Variants in ERCC6L observed in about 807,000 individuals in gnomAD.
ERCC6L encodes the protein DNA excision repair protein ERCC-6-like.
ERCC6L carries 7 observed loss-of-function variants against 20.1 expected under a neutral mutation model. The ratio of observed to expected loss-of-function variants is 0.35; its 90% CI spans 0.20 to 0.65. The LOEUF (loss-of-function observed/expected upper bound fraction) is 0.65. Among genes scored for constraint, ERCC6L ranks in the 30% least tolerant of loss-of-function variants. The pLI, the probability that ERCC6L is intolerant of heterozygous loss-of-function variation, is 0.69. For synonymous variants in ERCC6L, 278 were observed against 331.3 expected (o/e 0.84, Z 1.75); for missense variants, 592 against 892.4 (o/e 0.66, Z 4.29).
rs761685830 is a variant in ERCC6L, at chrX:72,205,142, C to A, written c.3625G>T (p.Glu1209Ter). The A allele has an allele frequency of 1.2e-5, 15 of 1,211,328 alleles. No homozygotes were observed. The highest frequency in any genetic ancestry group is 1.7e-5 in the Non-Finnish European group (15 of 895,418). Residue 1209 changes from glutamate to a stop codon, truncating the protein, a stop_gained, in exon 2 of 2, where the codon GAA (glutamate) becomes TAA (stop). Transcript: ENST00000334463. LOFTEE classifies it high-confidence loss of function. ...TGGATTTTTCCACACTCTTTTAGTT[C>A]TTTTCCACGCTTTACAAGAGTCTCA... is the stretch of plus-strand genomic sequence containing the variant. ...DYETLVKRGKELKECGKIQEA... is the reference protein window; with the variant it reads ...DYETLVKRGK
At chrX:72,214,929 G>A (rs1390949345) in intron 1 of ERCC6L, among the ~76,000 whole-genome samples, 1 of 110,910 alleles carries the variant, frequency 9.0e-6, no homozygotes, top group Non-Finnish European at 1.9e-5. Context: ...GGAGGTTGCA[G>A]TGAGCCAAGA....
rs922729283 is a variant in ERCC6L, at chrX:72,232,647, A to G, written c.68+6197T>C. On this transcript the variant is annotated intron_variant, in intron 1 of 1. Transcript: ENST00000334463. The stretch of plus-strand genomic sequence containing the variant: ...AACATGACGAAACCCCGTTTCTACT[A>G]AAAACACAAAAAATTAGCCGGGTGT... Among the ~76,000 whole-genome samples the G allele has an allele frequency of 2.7e-5, 3 of 111,218 alleles. No homozygotes were observed. In the Admixed American group the frequency reaches 2.9e-4, roughly 11 times the overall value.
At chrX:72,208,790 C>G in intron 1 of ERCC6L, 92 bp from the exon 2 acceptor site, 1 of 750,131 alleles carries the variant, frequency 1.3e-6, no homozygotes, top group Non-Finnish European at 1.9e-6. Flanking sequence ...CAAACTGCAG[C>G]TGGACTTTTA....
chrX:72,212,449 T>C (rs1206837035), intron 1 of ERCC6L, among the ~76,000 whole-genome samples: 2 of 111,473 alleles, frequency 1.8e-5, no homozygotes, highest in Non-Finnish European at 3.8e-5. Context: ...GTTCAGATGC[T>C]GAAAAGTTTT....
At chrX:72,226,803 AC>A (rs2042956720) in intron 1 of ERCC6L, among the ~76,000 whole-genome samples, 1 of 111,315 alleles carries the variant, frequency 9.0e-6, no homozygotes, top group Admixed American at 9.6e-5. Flanking sequence ...CACAAGTCAA[AC>A]CCCCATACTG....
intron 1 of ERCC6L, among the ~76,000 whole-genome samples, chrX:72,226,520 C>CG (rs2042954766): frequency 8.9e-6 from 1 of 112,037 alleles, no homozygotes; most frequent in Admixed American, 9.5e-5. Flanking sequence ...TTGGAGCGAG[C>CG]GGGGCTATGT....
intron 1 of ERCC6L, among the ~76,000 whole-genome samples, chrX:72,237,464 A>G (rs899719066): frequency 2.7e-5 from 3 of 111,293 alleles, no homozygotes; most frequent in Non-Finnish European, 5.7e-5. Context: ...CGGGTGTGTT[A>G]GCGGGCGCCT....
Position 72,205,710 on chromosome X carries a change from G to A in ERCC6L, c.3057C>T (p.Ile1019=), listed in dbSNP as rs757642569. Residue 1019 remains isoleucine, a synonymous_variant, in exon 2 of 2, where the codon ATC becomes ATT. Transcript: ENST00000334463. ...AAACAATCCTTCTAGCTTTACTTCT[G>A]ATTTTTGCTTTAACTACTACTTCTT... is the stretch of plus-strand genomic sequence containing the variant. The part of the protein sequence containing the change: ...EPEEVVVKAK[I]RSKARRIVSD... The A allele has an allele frequency of 8.3e-7, 1 of 1,211,600 alleles. No homozygotes were observed. Among genetic ancestry groups the A allele is most frequent in the Non-Finnish European group, 1.1e-6 (1 of 895,426 alleles).
At chrX:72,236,107 G>C (rs1335457707) in intron 1 of ERCC6L, among the ~76,000 whole-genome samples, 1 of 110,887 alleles carries the variant, frequency 9.0e-6, no homozygotes, top group Non-Finnish European at 1.9e-5. Flanking sequence ...GAGTAAGGTA[G>C]AAGATGGAGA....
In ERCC6L at chrX:72,206,697, C is replaced by T; in HGVS notation, c.2070G>A (p.Val690=). Residue 690 remains valine (V), a synonymous_variant, in exon 2 of 2, where the codon GTG becomes GTA. Transcript: ENST00000334463. ...CDLSVKEELD[V]VEESHYIQQR... is the part of the protein sequence containing the mutation. ...GTTGAATATAGTGAGATTCTTCTAC[C>T]ACATCAAGCTCTTCTTTAACAGACA... The T allele has an allele frequency of 8.3e-7, 1 of 1,211,193 alleles. No homozygotes were observed. Among genetic ancestry groups the T allele is most frequent in the Non-Finnish European group, 1.1e-6 (1 of 895,228 alleles).
At position 72,207,052 on chromosome X, in the gene ERCC6L, C is replaced by T. The variant is rs1423637771; in HGVS notation, c.1715G>A (p.Arg572Gln). ...TDAQAVDRVY[R>Q]IGQKENVVVY... ...CACAACATTCTCTTTTTGTCCAATT[C>T]GGTAAACTCTATCCACAGCTTGAGC... The change falls in exon 2 of 2, where the codon CGA becomes CAA. Residue 572 changes from arginine to glutamine, a missense_variant. Arg to Gln is a conservative substitution (Grantham distance 43). This residue lies in a region of ERCC6L where 196 missense variants were observed against 440.1 expected (regional missense o/e 0.45). Coordinates refer to ENST00000334463, the MANE Select transcript of ERCC6L (RefSeq NM_017669.4). 1 of 1,209,770 alleles carries T rather than the reference C, an allele frequency of 8.3e-7. No homozygotes were observed. The highest frequency in any genetic ancestry group is 1.1e-6 in the Non-Finnish European group (1 of 895,258).
Position 72,206,056 on chromosome X carries a change from T to C in ERCC6L, c.2711A>G (p.Glu904Gly). ...NPWPIISITN[E>G]SQNAESNVSI... is the part of the protein sequence containing the mutation. ...TACATTTGATTCTGCATTTTGACTT[T>C]CATTTGTTATGGAAATAATGGGCCA... Residue 904 changes from glutamate to glycine, a missense_variant, in exon 2 of 2, where the codon GAA (glutamate) becomes GGA (glycine). By Grantham distance (98) the Glu-to-Gly change is moderately conservative. Around this residue, in one of 3 missense-constraint regions of ERCC6L, gnomAD observed 352 missense variants for 402.6 expected, o/e 0.87. Coordinates refer to ENST00000334463, the MANE Select transcript of ERCC6L (RefSeq NM_017669.4). The C allele has an allele frequency of 8.3e-7, 1 of 1,211,354 alleles. No homozygotes were observed. Among genetic ancestry groups the C allele is most frequent in the Non-Finnish European group, 1.1e-6 (1 of 895,128 alleles).
rs770961426 is a variant in ERCC6L, at chrX:72,205,942, G to T, written c.2825C>A (p.Pro942His). 4.1e-6 allele frequency: 5 copies of T among 1,211,308 alleles called. No individual in the cohort carries two copies. The East Asian group carries it at 8.9e-5, about 21-fold the overall frequency. The change falls in exon 2 of 2, where the codon CCT (proline) becomes CAT (histidine). Residue 942 changes from proline (P) to histidine (H), a missense_variant. Around this residue, in one of 3 missense-constraint regions of ERCC6L, gnomAD observed 352 missense variants for 402.6 expected, o/e 0.87. Transcript: ENST00000334463. The part of the protein sequence containing the change: ...QASEAKLEEE[P>H]SASSPQYACD... ...TGCATACTGTGGTGAAGATGCTGAA[G>T]GTTCCTCTTCCAACTTGGCCTCACT...
intron 1 of ERCC6L, among the ~76,000 whole-genome samples, chrX:72,238,285 C>A (rs1205782626): frequency 8.9e-6 from 1 of 111,835 alleles, no homozygotes; most frequent in Non-Finnish European, 1.9e-5. Flanking sequence ...CCACCCTTAG[C>A]CAACTGGTGA....
intron 1 of ERCC6L, among the ~76,000 whole-genome samples, chrX:72,235,281 A>T (rs963758369): frequency 1.8e-5 from 2 of 110,220 alleles, no homozygotes; most frequent in African/African-American, 6.6e-5. Flanking sequence ...GAGGCCATAC[A>T]CATTCCTTGG....
In ERCC6L at chrX:72,238,905, C is replaced by T. The variant is rs1402657839; in HGVS notation, c.7G>A (p.Ala3Thr). The change falls in exon 1 of 2, where the codon GCA (alanine) becomes ACA (threonine). Residue 3 changes from alanine (A) to threonine (T), a missense_variant. Around this residue, in one of 3 missense-constraint regions of ERCC6L, gnomAD observed 44 missense variants for 49.8 expected, o/e 0.88. Transcript: ENST00000334463. The stretch of plus-strand genomic sequence containing the variant: ...TCGGCTTCCGGAAACCTTCGGGATG[C>T]CTCCATGACCCTCGGATTGGGTTCC... ME[A>T]SRRFPEAEAL... is the part of the protein sequence containing the mutation. The T allele has an allele frequency of 8.4e-7, 1 of 1,190,413 alleles. No homozygotes were observed. Among genetic ancestry groups the T allele is most frequent in the African/African-American group, 1.8e-5 (1 of 57,099 alleles).
intron 1 of ERCC6L, among the ~76,000 whole-genome samples, chrX:72,212,082 C>T (rs2042857913): frequency 9.0e-6 from 1 of 110,728 alleles, no homozygotes; most frequent in South Asian, 3.9e-4. Flanking sequence ...CAGGACCAGC[C>T]TGGCCAACAT....
intron 1 of ERCC6L, among the ~76,000 whole-genome samples, chrX:72,219,713 G>A (rs775856446): frequency 3.0e-4 from 33 of 109,573 alleles, no homozygotes; most frequent in African/African-American, 1.0e-3. Flanking sequence ...AGCGGGCGTG[G>A]TGGTGCACGC....
chrX:72,213,113 G>A (rs2042865880), intron 1 of ERCC6L, among the ~76,000 whole-genome samples: 1 of 111,979 alleles, frequency 8.9e-6, no homozygotes, highest in Non-Finnish European at 1.9e-5. Flanking sequence ...TGCTAATCTC[G>A]GCGCATGTGA....
Sources: allele counts gnomAD v4.1 joint callset (sites outside exome capture counted in the v4.1 genomes callset), GRCh38; gene constraint gnomAD v4.1.1; regional missense constraint gnomAD v4.1.1; transcripts MANE v1.5; gene names NCBI Gene and HGNC (gene_info 2026-07-23, HGNC 2026-07-21).